ARHGAP26: variants seen among roughly 807,000 people sequenced by gnomAD.
ARHGAP26 encodes the protein Rho GTPase activating protein 26.
ARHGAP26 carries 38 observed loss-of-function variants against 104.8 expected under a neutral mutation model. That is an observed-to-expected ratio of 0.36 (90% CI 0.28 to 0.48). The LOEUF is 0.48. Among genes scored for constraint, ARHGAP26 ranks in the 20% least tolerant of loss-of-function variants. ARHGAP26 has a pLI of 0.99. For synonymous variants in ARHGAP26, 341 were observed against 340.0 expected (o/e 1.00, Z -0.03); for missense variants, 704 against 947.9 (o/e 0.74, Z 3.38).
At chr5:143,084,021 G>C (rs60064238) in intron 17 of ARHGAP26, among the ~76,000 whole-genome samples, 1,613 of 152,324 alleles carry the variant, frequency 0.011, 28 homozygotes, top group East Asian at 0.078. Context: ...AGCATCTGCA[G>C]GCTCTCGCCG....
intron 20 of ARHGAP26, among the ~76,000 whole-genome samples, chr5:143,201,403 A>G (rs1380810283): frequency 6.6e-6 from 1 of 152,194 alleles, no homozygotes; most frequent in Non-Finnish European, 1.5e-5. Flanking sequence ...CCTTGGCTTC[A>G]TTAGTGGGAA....
At chr5:143,112,328 G>A (rs1794879215) in intron 17 of ARHGAP26, among the ~76,000 whole-genome samples, 1 of 152,148 alleles carries the variant, frequency 6.6e-6, no homozygotes, top group Admixed American at 6.5e-5. Context: ...TAGGAAGGAA[G>A]GAACTGAGGC....
intron 17 of ARHGAP26, among the ~76,000 whole-genome samples, chr5:143,076,159 ATTTTTTTTT>A (rs368079758): frequency 2.7e-5 from 3 of 109,978 alleles, no homozygotes; most frequent in African/African-American, 7.1e-5. Flanking sequence ...GACCTGGCTA[ATTTTTTTTT>A]TTTTTTTTTT....
At chr5:143,032,925 C>T (rs1300689719) in intron 12 of ARHGAP26, among the ~76,000 whole-genome samples, 1 of 152,096 alleles carries the variant, frequency 6.6e-6, no homozygotes, top group African/African-American at 2.4e-5. Flanking sequence ...ACACTAGTTC[C>T]AGTTTAGAGG....
intron 11 of ARHGAP26, among the ~76,000 whole-genome samples, chr5:142,997,694 G>A (rs965277174): frequency 6.2e-4 from 94 of 151,856 alleles, no homozygotes; most frequent in African/African-American, 2.3e-3. Flanking sequence ...TGGGATTAGA[G>A]GTGGGAGATA....
intron 11 of ARHGAP26, among the ~76,000 whole-genome samples, chr5:142,991,268 C>A (rs1388195881): frequency 1.3e-5 from 2 of 152,222 alleles, no homozygotes; most frequent in Non-Finnish European, 2.9e-5. Context: ...GAGCCATGTG[C>A]AGGATATAAT....
At chr5:143,110,682 A>G (rs747781171) in intron 17 of ARHGAP26, among the ~76,000 whole-genome samples, 8 of 152,364 alleles carry the variant, frequency 5.3e-5, no homozygotes, top group Non-Finnish European at 1.0e-4. Flanking sequence ...AAACTATAAA[A>G]TGCTTTGCAA....
chr5:143,016,280 A>G (rs956430406), intron 12 of ARHGAP26, among the ~76,000 whole-genome samples: 1 of 152,272 alleles, frequency 6.6e-6, no homozygotes, highest in Non-Finnish European at 1.5e-5. Context: ...AAATATAAGC[A>G]GTTGTGACAT....
intron 11 of ARHGAP26, among the ~76,000 whole-genome samples, chr5:143,003,994 C>T (rs926320675): frequency 3.2e-5 from 4 of 125,512 alleles, no homozygotes; most frequent in South Asian, 5.5e-4. Flanking sequence ...AGGGATGCCT[C>T]GTGGTCAGAA....
intron 17 of ARHGAP26, among the ~76,000 whole-genome samples, chr5:143,096,261 T>C (rs1275210471): frequency 6.6e-6 from 1 of 152,242 alleles, no homozygotes; most frequent in Admixed American, 6.5e-5. Context: ...TTTGTTAATA[T>C]CACCACTTAT....
At position 143,147,344 on chromosome 5, in the gene ARHGAP26, G is replaced by C. The variant is rs1236907613; in HGVS notation, c.1951G>C (p.Asp651His). 7 of 1,613,978 alleles carry C rather than the reference G, an allele frequency of 4.3e-6. No individual in the cohort carries two copies. The South Asian group carries it at 7.7e-5, about 18-fold the overall frequency. ...GCCCAACATGAACTCCAGTGACCCA[G>C]ACCTGGCTGTGGTCAAACCCACCCG... ...LQPNMNSSDP[D>H]LAVVKPTRPN... Residue 651 changes from aspartate (D) to histidine (H), a missense_variant, in exon 20 of 23, where the codon GAC (aspartate) becomes CAC (histidine). Asp to His is a moderately conservative substitution (Grantham distance 81). Transcript: ENST00000645722.
intron 22 of ARHGAP26, among the ~76,000 whole-genome samples, chr5:143,221,798 C>T (rs1811179028): frequency 1.3e-5 from 2 of 152,142 alleles, no homozygotes; most frequent in African/African-American, 4.8e-5. Flanking sequence ...ACTGGCATTA[C>T]AGGCGTGAAC....
chr5:143,196,725 T>C (rs1022487540), intron 20 of ARHGAP26, among the ~76,000 whole-genome samples: 2 of 152,214 alleles, frequency 1.3e-5, no homozygotes, highest in African/African-American at 4.8e-5. Flanking sequence ...CATGAAAATG[T>C]GGTACTAGGT....
chr5:143,200,811 G>A (rs1807599189), intron 20 of ARHGAP26, among the ~76,000 whole-genome samples: 1 of 152,194 alleles, frequency 6.6e-6, no homozygotes, highest in Non-Finnish European at 1.5e-5. Context: ...TCTTATAGCA[G>A]CTCTACTACT....
At chr5:143,095,803 C>T (rs1313049330) in intron 17 of ARHGAP26, among the ~76,000 whole-genome samples, 2 of 152,198 alleles carry the variant, frequency 1.3e-5, no homozygotes, top group Admixed American at 1.3e-4. Flanking sequence ...AACTCCTGAC[C>T]TCAGGTGATC....
intron 11 of ARHGAP26, among the ~76,000 whole-genome samples, chr5:142,974,434 A>G (rs563965717): frequency 3.4e-4 from 52 of 152,318 alleles, no homozygotes; most frequent in African/African-American, 1.2e-3. Flanking sequence ...TTGGAAAATT[A>G]CAGGCAATGG....
At chr5:143,047,170 A>T (rs948040007) in intron 14 of ARHGAP26, among the ~76,000 whole-genome samples, 3 of 152,226 alleles carry the variant, frequency 2.0e-5, no homozygotes, top group African/African-American at 7.2e-5. Flanking sequence ...TCATCATTCT[A>T]GAAAGCACTC....
intron 17 of ARHGAP26, among the ~76,000 whole-genome samples, chr5:143,076,926 A>G (rs1043983096): frequency 5.9e-5 from 9 of 152,062 alleles, no homozygotes; most frequent in African/African-American, 1.9e-4. Flanking sequence ...TTTTAACATT[A>G]TAAGCAATGC....
intron 17 of ARHGAP26, among the ~76,000 whole-genome samples, chr5:143,083,495 A>G (rs1278448594): frequency 6.6e-6 from 1 of 151,938 alleles, no homozygotes; most frequent in African/African-American, 2.4e-5. Context: ...AAGCTTTTTT[A>G]CTTCTTTTTG....
Sources: gnomAD v4.1 joint callset for allele counts (sites outside exome capture counted in the v4.1 genomes callset) on GRCh38, gnomAD v4.1.1 for gene constraint, MANE v1.5 for transcripts, NCBI Gene and HGNC (gene_info 2026-07-23, HGNC 2026-07-21) for gene names.